Variants in ZNF829 observed in about 807,000 individuals in gnomAD.
The protein encoded by ZNF829 is zinc finger protein 829.
A neutral mutation model predicts 35.2 loss-of-function variants in ZNF829; 25 were observed. That is an observed-to-expected ratio of 0.71 (90% CI 0.52 to 0.99). The LOEUF (loss-of-function observed/expected upper bound fraction) is 0.99, where lower values mean the gene tolerates loss of function less well. ZNF829 is among the 50% of genes least tolerant of loss of function. The pLI is 0.00. For synonymous variants in ZNF829, 136 were observed against 163.2 expected (o/e 0.83, Z 1.27); for missense variants, 417 against 515.3 (o/e 0.81, Z 1.85).
Position 36,914,972 on chromosome 19 carries a change from A to G in ZNF829, c.89T>C (p.Val30Ala). Reference protein sequence around the residue: ...ERMHDELLQAVSKGPVMFRDV... With the variant: ...ERMHDELLQAASKGPVMFRDV... ...GAGGAAACCCCAACACACCTTGGAT[A>G]CTGCTTGTAGAAGTTCATCATGCAT... Residue 30 changes from valine (V) to alanine (A), a missense_variant, in exon 3 of 6, where the codon GTA becomes GCA. Physicochemically the swap from Val to Ala is moderately conservative, Grantham distance 64 (BLOSUM62 0). Transcript: ENST00000391711. 1 of 1,614,194 alleles carries G rather than the reference A, an allele frequency of 6.2e-7. No individual in the cohort carries two copies. Among genetic ancestry groups the G allele is most frequent in the South Asian group, 1.1e-5 (1 of 91,084 alleles).
intron 1 of ZNF829, 136 bp downstream of exon 1, chr19:36,915,875 A>G (rs2073321682): frequency 1.3e-6 from 2 of 1,535,898 alleles, no homozygotes; most frequent in Non-Finnish European, 1.7e-6. Flanking sequence ...TCCACCTTTC[A>G]GGCCGCTCCG....
chr19:36,903,266 GT>G (rs2073187021), intron 5 of ZNF829, among the ~76,000 whole-genome samples: 1 of 152,148 alleles, frequency 6.6e-6, no homozygotes, highest in Admixed American at 6.5e-5. Flanking sequence ...TGTATGCCTT[GT>G]TTTTTATGTT....
In ZNF829 at chr19:36,891,376, G is replaced by A. The variant is rs916191702; in HGVS notation, c.*116C>T. 3.7e-5 allele frequency: 40 copies of A among 1,087,598 alleles called. No homozygotes were observed. The Middle Eastern group carries it at 6.5e-4, about 18-fold the overall frequency. The allele number at this position is 1,087,598 out of a possible 1,614,324, so 67.4% of individuals were successfully genotyped here. A position where few individuals can be genotyped will look rare whatever the true frequency, so the allele number is the denominator to read the frequency against. On this transcript the variant is annotated 3_prime_UTR_variant, in exon 6 of 6. Transcript: ENST00000391711. ...GTACTTGGTACTTTGTTATCGTATC[G>A]TTTAAAAACGAATACATAGGAGAAC...
At chr19:36,903,183 G>T (rs897408461) in intron 5 of ZNF829, among the ~76,000 whole-genome samples, 1 of 152,188 alleles carries the variant, frequency 6.6e-6, no homozygotes. Context: ...AAACCTGGAT[G>T]ATTTCTAACA....
In ZNF829 at chr19:36,889,559, G is replaced by T. The variant is rs1317050335; in HGVS notation, c.*1933C>A. 1 of 151,990 alleles carries T rather than the reference G, an allele frequency of 6.6e-6. No homozygotes were observed. Among genetic ancestry groups the T allele is most frequent in the East Asian group, 1.9e-4 (1 of 5,188 alleles). The allele number at this position is 151,990 out of a possible 1,614,324, so 9.4% of individuals were successfully genotyped here. ...TCTAGGAATTTATCCACTTCCTCTA[G>T]GTTTTCTAATATGTGCATATAGTTT... On this transcript the variant is annotated 3_prime_UTR_variant, in exon 6 of 6. Coordinates refer to ENST00000391711, the MANE Select transcript of ZNF829 (RefSeq NM_001037232.4).
At chr19:36,907,685 T>C (rs367960386) in intron 5 of ZNF829, 97 of 353,898 alleles carry the variant, frequency 2.7e-4, no homozygotes, top group Non-Finnish European at 3.8e-4. Context: ...TCTACTGTTA[T>C]ACAAATCTAA....
At chr19:36,915,878 C>A in intron 1 of ZNF829, 133 bp downstream of exon 1, 1 of 1,536,112 alleles carries the variant, frequency 6.5e-7, no homozygotes, top group Non-Finnish European at 8.7e-7. Context: ...ACCTTTCAGG[C>A]CGCTCCGCCC....
rs1600726481 is a variant in ZNF829 at position 36,891,216 on chromosome 19, G to A, written c.*276C>T. On this transcript the variant is annotated 3_prime_UTR_variant, in exon 6 of 6. Transcript: ENST00000391711. ...CAAGGACTGCCAGCTGTTAACAGAG[G>A]TTAGGAAAAAGGCATAGAACAGATC... 3.1e-6 allele frequency: 1 copy of A among 322,462 alleles called. No individual in the cohort carries two copies. The highest frequency in any genetic ancestry group is 5.2e-5 in the East Asian group (1 of 19,228). The allele number at this position is 322,462 out of a possible 1,614,324, so 20.0% of individuals were successfully genotyped here. A position where few individuals can be genotyped will look rare whatever the true frequency, so the allele number is the denominator to read the frequency against.
At chr19:36,913,539 G>T (rs1398127324) in intron 3 of ZNF829, among the ~76,000 whole-genome samples, 3 of 152,118 alleles carry the variant, frequency 2.0e-5, no homozygotes, top group African/African-American at 7.2e-5. Context: ...CTCCTGAGAT[G>T]AGGCAAGGTT....
At position 36,898,762 on chromosome 19, in the gene ZNF829, C is replaced by T. The variant is rs139115812; in HGVS notation, c.320-6291G>A. Reference sequence around the variant, plus strand: ...AAGAACAGACATAGGGAAAAGGACACGCTGTTCAATAAATGGTGCTGGGAA... The same window carrying T: ...AAGAACAGACATAGGGAAAAGGACATGCTGTTCAATAAATGGTGCTGGGAA... On this transcript the variant is annotated intron_variant, in intron 5 of 5. Coordinates refer to ENST00000391711, the MANE Select transcript of ZNF829 (RefSeq NM_001037232.4). Among the ~76,000 whole-genome samples, 1,238 of 152,146 alleles carry T rather than the reference C, an allele frequency of 8.1e-3. 16 individuals are homozygous for T. The highest frequency in any genetic ancestry group is 0.049 in the South Asian group (236 of 4,810).
intron 5 of ZNF829, among the ~76,000 whole-genome samples, chr19:36,899,116 G>A (rs1165439418): frequency 6.6e-6 from 1 of 152,094 alleles, no homozygotes; most frequent in Non-Finnish European, 1.5e-5. Context: ...CCTGAGAAGG[G>A]ACTAATATCC....
intron 5 of ZNF829, chr19:36,901,816 C>T (rs1568369856): frequency 1.5e-6 from 1 of 686,360 alleles, no homozygotes; most frequent in Non-Finnish European, 2.7e-6. Context: ...CCTGAGAATA[C>T]ACCATCAGTA....
At position 36,908,467 on chromosome 19, in the gene ZNF829, A is replaced by C. The variant is rs779779064; in HGVS notation, c.97-8T>G. The C allele has an allele frequency of 8.2e-6, 13 of 1,589,594 alleles. No homozygotes were observed. Among genetic ancestry groups the C allele is most frequent in the Non-Finnish European group, 1.1e-5 (13 of 1,170,944 alleles). ...CCTGAACATCACCGGCCCCTGAAAC[A>C]ACAAACATGCTTTCACAATGAAAGG... On this transcript the variant is annotated splice_region_variant and splice_polypyrimidine_tract_variant and intron_variant, in intron 3 of 5. Transcript: ENST00000391711.
In ZNF829 at chr19:36,889,630, T is replaced by C. The variant is rs2073031737; in HGVS notation, c.*1862A>G. Reference sequence around the variant, plus strand: ...TGTGTTATCAGTTATAATATCACCTTATCATTTCTGATTGTATTTATTTGA... The same window carrying C: ...TGTGTTATCAGTTATAATATCACCTCATCATTTCTGATTGTATTTATTTGA... On this transcript the variant is annotated 3_prime_UTR_variant, in exon 6 of 6. Transcript: ENST00000391711. 6.6e-6 allele frequency: 1 copy of C among 152,226 alleles called. No homozygotes were observed. Among genetic ancestry groups the C allele is most frequent in the African/African-American group, 2.4e-5 (1 of 41,476 alleles). 9.4% of individuals were successfully genotyped at this position (152,226 alleles called of 1,614,324 possible).
rs1405508024 is a variant in ZNF829 at position 36,888,963 on chromosome 19, G to C, written c.*2529C>G. On this transcript the variant is annotated 3_prime_UTR_variant, in exon 6 of 6. Transcript: ENST00000391711. ...ATTTTTCTATTTTTAGTAGAGACAGGGTTTCGCCATGTCAGCCAGACTGGT... is the reference window on the plus strand; with the variant it reads ...ATTTTTCTATTTTTAGTAGAGACAGCGTTTCGCCATGTCAGCCAGACTGGT... 1 of 152,130 alleles carries C rather than the reference G, an allele frequency of 6.6e-6. No homozygotes were observed. The highest frequency in any genetic ancestry group is 1.5e-5 in the Non-Finnish European group (1 of 68,052). The allele number at this position is 152,130 out of a possible 1,614,324, so 9.4% of individuals were successfully genotyped here. A position where few individuals can be genotyped will look rare whatever the true frequency, so the allele number is the denominator to read the frequency against.
intron 5 of ZNF829, chr19:36,905,969 A>G (rs1053489991): frequency 1.2e-4 from 18 of 152,340 alleles, no homozygotes; most frequent in African/African-American, 4.3e-4. Flanking sequence ...ATATAGTCCT[A>G]TCTCTATAGA....
At chr19:36,900,656 T>C (rs1344758245) in intron 5 of ZNF829, among the ~76,000 whole-genome samples, 1 of 152,018 alleles carries the variant, frequency 6.6e-6, no homozygotes, top group Non-Finnish European at 1.5e-5. Flanking sequence ...AAGACCAGCC[T>C]GGCCAACATG....
In ZNF829 at chr19:36,915,200, T is replaced by C. The variant is rs753259374; in HGVS notation, c.-33A>G. 1 of 1,614,044 alleles carries C rather than the reference T, an allele frequency of 6.2e-7. No homozygotes were observed. The highest frequency in any genetic ancestry group is 8.5e-7 in the Non-Finnish European group (1 of 1,179,946). ...AATTCCAGTGGCTCAGGGGAAAGGT[T>C]GTGTTCACTGCTGTCCAGGGTTGGA... On this transcript the variant is annotated 5_prime_UTR_variant, in exon 2 of 6. Transcript: ENST00000391711.
Position 36,895,487 on chromosome 19 carries a change from A to G in ZNF829, c.320-3016T>C, listed in dbSNP as rs374462349. ...GATATAAAACAACCATAAAAAATTA[A>G]CAGATTAGGAATAAATCCTCACCTA... On this transcript the variant is annotated intron_variant, in intron 5 of 5. Coordinates refer to ENST00000391711, the MANE Select transcript of ZNF829 (RefSeq NM_001037232.4). Among the ~76,000 whole-genome samples, 5 of 152,248 alleles carry G rather than the reference A, an allele frequency of 3.3e-5. No individual in the cohort carries two copies. The East Asian group carries it at 9.6e-4, about 29-fold the overall frequency.
Sources: gnomAD v4.1 joint callset for allele counts (sites outside exome capture counted in the v4.1 genomes callset) on GRCh38, gnomAD v4.1.1 for gene constraint, MANE v1.5 for transcripts, NCBI Gene and HGNC (gene_info 2026-07-23, HGNC 2026-07-21) for gene names.